IGF2BP2: variants seen among roughly 807,000 people sequenced by gnomAD.
The protein encoded by IGF2BP2 is insulin-like growth factor 2 mRNA-binding protein 2.
Under a neutral mutation model 75.8 loss-of-function variants are expected in IGF2BP2, and 17 were observed. The observed-to-expected ratio is 0.22, with a 90% CI of 0.15 to 0.34. IGF2BP2 has a LOEUF of 0.34. Among genes scored for constraint, IGF2BP2 ranks in the 10% least tolerant of loss-of-function variants. IGF2BP2 has a pLI of 1.00. For missense variants in IGF2BP2, 516 were observed against 772.4 expected (o/e 0.67, Z 3.93); for synonymous variants, 288 against 295.6 (o/e 0.97, Z 0.26).
chr3:185,817,503 T>C (rs1740763022), intron 2 of IGF2BP2, among the ~76,000 whole-genome samples: 1 of 152,212 alleles, frequency 6.6e-6, no homozygotes, highest in African/African-American at 2.4e-5. Context: ...CACTATTTTA[T>C]GGAGAGACCA....
intron 2 of IGF2BP2, among the ~76,000 whole-genome samples, chr3:185,712,011 T>G (rs1724872654): frequency 6.6e-6 from 1 of 152,184 alleles, no homozygotes; most frequent in African/African-American, 2.4e-5. Flanking sequence ...TGCCTGGTTT[T>G]CCCATGAAAT....
chr3:185,742,848 C>T (rs1729749055), intron 2 of IGF2BP2, among the ~76,000 whole-genome samples: 1 of 152,106 alleles, frequency 6.6e-6, no homozygotes, highest in African/African-American at 2.4e-5. Context: ...TGCCTGTAAT[C>T]CCAGCACTTT....
intron 10 of IGF2BP2, among the ~76,000 whole-genome samples, chr3:185,658,939 G>A (rs1715929830): frequency 6.6e-6 from 1 of 152,224 alleles, no homozygotes. Context: ...AAAGAATCCT[G>A]AGAAGGGAGA....
intron 10 of IGF2BP2, among the ~76,000 whole-genome samples, chr3:185,672,226 A>G (rs1718624003): frequency 6.6e-6 from 1 of 152,170 alleles, no homozygotes. Context: ...TCACTCATGA[A>G]ATGTTCTTAT....
intron 2 of IGF2BP2, among the ~76,000 whole-genome samples, chr3:185,817,820 G>A (rs1740801395): frequency 6.6e-6 from 1 of 152,084 alleles, no homozygotes; most frequent in African/African-American, 2.4e-5. Flanking sequence ...ATATAAGAAG[G>A]ATAAAACTTT....
At chr3:185,797,228 C>T (rs914040106) in intron 2 of IGF2BP2, among the ~76,000 whole-genome samples, 4 of 152,168 alleles carry the variant, frequency 2.6e-5, no homozygotes, top group African/African-American at 4.8e-5. Flanking sequence ...ACCTACTCAG[C>T]CCTTACAATT....
intron 7 of IGF2BP2, among the ~76,000 whole-genome samples, chr3:185,685,491 T>C (rs189147786): frequency 6.6e-6 from 1 of 152,332 alleles, no homozygotes; most frequent in African/African-American, 2.4e-5. Flanking sequence ...TAGAGTCTCT[T>C]ATGAAATCTA....
At chr3:185,784,267 T>TAGACAGACAGACAGACAGACAGAC (rs59726249) in intron 2 of IGF2BP2, among the ~76,000 whole-genome samples, 25 of 151,736 alleles carry the variant, frequency 1.6e-4, no homozygotes, top group African/African-American at 6.1e-4. Flanking sequence ...GATAGATAGA[T>TAGACAGACAGACAGACAGACAGAC]AGACAGACAG....
chr3:185,731,147 T>C (rs1226969052), intron 2 of IGF2BP2, among the ~76,000 whole-genome samples: 2 of 151,838 alleles, frequency 1.3e-5, no homozygotes, highest in African/African-American at 2.4e-5. Flanking sequence ...TTTAAGAGTA[T>C]AAAGGGATAC....
chr3:185,660,889 T>C (rs1225863692), intron 10 of IGF2BP2, among the ~76,000 whole-genome samples: 1 of 152,196 alleles, frequency 6.6e-6, no homozygotes, highest in African/African-American at 2.4e-5. Context: ...AATAATTCCT[T>C]TGAACTATGA....
intron 2 of IGF2BP2, among the ~76,000 whole-genome samples, chr3:185,811,845 T>G (rs1008337341): frequency 2.8e-5 from 3 of 107,834 alleles, no homozygotes; most frequent in Admixed American, 8.2e-5. Flanking sequence ...TCTCTCTCTC[T>G]CTCTCTCTCT....
chr3:185,768,925 G>A (rs1733477839), intron 2 of IGF2BP2, among the ~76,000 whole-genome samples: 1 of 152,244 alleles, frequency 6.6e-6, no homozygotes, highest in South Asian at 2.1e-4. Context: ...TACTCAGGAG[G>A]CTGAGACAGG....
chr3:185,689,227 A>C (rs1721569939), intron 6 of IGF2BP2, 128 bp downstream of exon 6: 1 of 936,008 alleles, frequency 1.1e-6, no homozygotes, highest in African/African-American at 1.7e-5. Context: ...TGTTGAAAGA[A>C]GCCACTGTCT....
At chr3:185,785,997 T>C (rs145655679) in intron 2 of IGF2BP2, among the ~76,000 whole-genome samples, 1 of 152,356 alleles carries the variant, frequency 6.6e-6, no homozygotes, top group African/African-American at 2.4e-5. Context: ...GTTGATAAGA[T>C]ACATGTCCTG....
In IGF2BP2 at chr3:185,646,748, G is replaced by A. The variant is rs1393184065; in HGVS notation, c.1707+277C>T. On this transcript the variant is annotated intron_variant, in intron 15 of 15. Transcript: ENST00000382199. ...TGAGGCCATGCCCTTAAACACTGCA[G>A]GGGGCTTGGAACCACATGGCTTTGC... The A allele has an allele frequency of 9.0e-6, 4 of 444,586 alleles. No homozygotes were observed. In the East Asian group the frequency reaches 1.8e-4, roughly 20 times the overall value. 27.5% of individuals were successfully genotyped at this position (444,586 alleles called of 1,614,324 possible). A position where few individuals can be genotyped will look rare whatever the true frequency, so the allele number is the denominator to read the frequency against.
At chr3:185,792,218 G>A (rs7619401) in intron 2 of IGF2BP2, among the ~76,000 whole-genome samples, 58,889 of 151,980 alleles carry the variant, frequency 0.39, 12,297 homozygotes, top group African/African-American at 0.56. Flanking sequence ...TTCAGGTACC[G>A]TCAAATTATG....
chr3:185,689,754 G>T (rs1350811070), intron 5 of IGF2BP2, 127 bp from the exon 6 acceptor site: 22 of 1,007,844 alleles, frequency 2.2e-5, no homozygotes, highest in Non-Finnish European at 3.0e-5. Flanking sequence ...GGATCACGAG[G>T]TCAGGAGATC....
intron 2 of IGF2BP2, among the ~76,000 whole-genome samples, chr3:185,811,115 C>T (rs1739760087): frequency 6.6e-6 from 1 of 151,838 alleles, no homozygotes; most frequent in Non-Finnish European, 1.5e-5. Context: ...ATAACAGAAA[C>T]ACAATAAGAT....
At chr3:185,806,771 G>T (rs894751583) in intron 2 of IGF2BP2, among the ~76,000 whole-genome samples, 7 of 152,128 alleles carry the variant, frequency 4.6e-5, no homozygotes, top group African/African-American at 1.4e-4. Flanking sequence ...TTCAAGAAAA[G>T]AGTTTCAAGT....
Sources: allele counts gnomAD v4.1 joint callset (sites outside exome capture counted in the v4.1 genomes callset), GRCh38; gene constraint gnomAD v4.1.1; transcripts MANE v1.5; gene names NCBI Gene and HGNC (gene_info 2026-07-23, HGNC 2026-07-21).